GUCY1A2: variants seen among roughly 807,000 people sequenced by gnomAD.
GUCY1A2 encodes the protein guanylate cyclase 1 soluble subunit alpha 2.
Under a neutral mutation model 63.5 loss-of-function variants are expected in GUCY1A2, and 27 were observed. That is an observed-to-expected ratio of 0.43 (90% CI 0.31 to 0.59). GUCY1A2 has a LOEUF of 0.59. GUCY1A2 is among the 20% of genes least tolerant of loss of function. The pLI, the probability that GUCY1A2 is intolerant of heterozygous loss-of-function variation, is 0.11. For synonymous variants in GUCY1A2, 364 were observed against 343.5 expected (o/e 1.06, Z -0.66); for missense variants, 768 against 913.3 (o/e 0.84, Z 2.05).
intron 4 of GUCY1A2, among the ~76,000 whole-genome samples, chr11:106,937,339 A>T (rs1860693452): frequency 6.6e-6 from 1 of 152,210 alleles, no homozygotes; most frequent in African/African-American, 2.4e-5. Flanking sequence ...CATTATGTCT[A>T]TTTCTTACCC....
intron 3 of GUCY1A2, among the ~76,000 whole-genome samples, chr11:106,974,297 T>C (rs1861234821): frequency 6.6e-6 from 1 of 152,132 alleles, no homozygotes; most frequent in African/African-American, 2.4e-5. Flanking sequence ...CTACACTAAC[T>C]AGTTCTCCAA....
chr11:106,881,628 T>C (rs145438130), intron 4 of GUCY1A2, among the ~76,000 whole-genome samples: 1 of 152,142 alleles, frequency 6.6e-6, no homozygotes, highest in East Asian at 1.9e-4. Context: ...AGTAAAATGT[T>C]ACCAAAATGT....
intron 3 of GUCY1A2, among the ~76,000 whole-genome samples, chr11:106,969,284 T>A (rs1861165017): frequency 6.6e-6 from 1 of 152,174 alleles, no homozygotes; most frequent in South Asian, 2.1e-4. Context: ...CAACAACTCA[T>A]CTAGCATAGA....
intron 3 of GUCY1A2, among the ~76,000 whole-genome samples, chr11:106,945,216 T>TA (rs1052609262): frequency 1.4e-5 from 2 of 147,850 alleles, no homozygotes; most frequent in African/African-American, 2.5e-5. Context: ...AACAGGTAAT[T>TA]AAAAAAAATT....
intron 3 of GUCY1A2, among the ~76,000 whole-genome samples, chr11:106,963,632 A>G (rs946654128): frequency 2.0e-5 from 3 of 152,172 alleles, no homozygotes; most frequent in Non-Finnish European, 4.4e-5. Flanking sequence ...GAGACAGAAA[A>G]CAAAACTTAA....
intron 6 of GUCY1A2, among the ~76,000 whole-genome samples, chr11:106,711,087 A>G (rs1863109860): frequency 6.6e-6 from 1 of 152,204 alleles, no homozygotes; most frequent in Admixed American, 6.5e-5. Context: ...AAGAGTCAAG[A>G]TATATCTGAG....
At chr11:106,819,376 T>C (rs10789547) in intron 4 of GUCY1A2, among the ~76,000 whole-genome samples, 50,911 of 151,990 alleles carry the variant, frequency 0.33, 9,217 homozygotes, top group Admixed American at 0.46. Flanking sequence ...CATTGCAAGC[T>C]ATAAGGAAAT....
intron 4 of GUCY1A2, among the ~76,000 whole-genome samples, chr11:106,916,045 G>T (rs1345397358): frequency 6.9e-6 from 1 of 145,414 alleles, no homozygotes. Context: ...TGATCAAAAT[G>T]CACTAACATC....
Position 106,685,713 on chromosome 11 carries a change from C to T in GUCY1A2, c.*1836G>A, listed in dbSNP as rs1862514866. On this transcript the variant is annotated 3_prime_UTR_variant, in exon 8 of 8. Transcript: ENST00000526355. ...TCTGCTCATACTGGCTGTAAACCTC[C>T]CCATTGTCCAGAAACACAGGCCCAC... 4.4e-6 allele frequency: 1 copy of T among 227,434 alleles called. No homozygotes were observed. The allele number at this position is 227,434 out of a possible 1,614,324, so 14.1% of individuals were successfully genotyped here.
chr11:106,955,208 G>C (rs994037938), intron 3 of GUCY1A2, among the ~76,000 whole-genome samples: 1 of 152,094 alleles, frequency 6.6e-6, no homozygotes, highest in Non-Finnish European at 1.5e-5. Flanking sequence ...CCAACCTCAG[G>C]TGATCCACCC....
intron 4 of GUCY1A2, among the ~76,000 whole-genome samples, chr11:106,938,902 A>G (rs1046056465): frequency 1.6e-4 from 25 of 152,212 alleles, no homozygotes; most frequent in African/African-American, 5.5e-4. Context: ...GTTCTAAAGC[A>G]ATGAATCTCT....
intron 4 of GUCY1A2, among the ~76,000 whole-genome samples, chr11:106,881,696 T>A (rs907451874): frequency 3.9e-5 from 6 of 151,976 alleles, no homozygotes; most frequent in Admixed American, 2.0e-4. Context: ...CTTTCAACAG[T>A]AAATAAAATG....
chr11:106,905,989 C>T (rs373279200), intron 4 of GUCY1A2, among the ~76,000 whole-genome samples: 4 of 152,094 alleles, frequency 2.6e-5, no homozygotes, highest in South Asian at 4.1e-4. Flanking sequence ...CTACAAAAAC[C>T]CTAGAAGAAA....
chr11:106,692,654 T>A (rs947672797), intron 7 of GUCY1A2, among the ~76,000 whole-genome samples: 7 of 152,018 alleles, frequency 4.6e-5, no homozygotes, highest in Non-Finnish European at 1.0e-4. Flanking sequence ...CACAGAATTT[T>A]AAAAAAGGGT....
chr11:106,883,521 A>C (rs1177086756), intron 4 of GUCY1A2, among the ~76,000 whole-genome samples: 1 of 152,150 alleles, frequency 6.6e-6, no homozygotes, highest in East Asian at 1.9e-4. Context: ...GTGTAGGAAG[A>C]AGAGCTAGAG....
chr11:106,872,459 T>G (rs973801532), intron 4 of GUCY1A2, among the ~76,000 whole-genome samples: 1 of 152,152 alleles, frequency 6.6e-6, no homozygotes, highest in Non-Finnish European at 1.5e-5. Flanking sequence ...ATGAAGAGCA[T>G]GATAAATAGT....
intron 4 of GUCY1A2, among the ~76,000 whole-genome samples, chr11:106,904,690 C>A (rs1345178231): frequency 6.6e-6 from 1 of 151,652 alleles, no homozygotes; most frequent in Middle Eastern, 3.2e-3. Context: ...TCTTCCCACA[C>A]TTATGAGAAA....
chr11:106,856,105 A>ATTT (rs142419502), intron 4 of GUCY1A2, among the ~76,000 whole-genome samples: 19 of 146,144 alleles, frequency 1.3e-4, no homozygotes, highest in Admixed American at 2.0e-4. Context: ...TTTTTTTTGT[A>ATTT]TTTTTTTTTT....
chr11:106,740,564 A>G (rs1395810025), intron 6 of GUCY1A2, among the ~76,000 whole-genome samples: 1 of 150,902 alleles, frequency 6.6e-6, no homozygotes, highest in Non-Finnish European at 1.5e-5. Context: ...ATTCAATATC[A>G]CTTCTTCCAT....
Sources: allele counts gnomAD v4.1 joint callset (sites outside exome capture counted in the v4.1 genomes callset), GRCh38; gene constraint gnomAD v4.1.1; transcripts MANE v1.5; gene names NCBI Gene and HGNC (gene_info 2026-07-23, HGNC 2026-07-21).